Variants in NXN observed in about 807,000 individuals in gnomAD.
NXN encodes nucleoredoxin 1.
In NXN, 16 loss-of-function variants were observed where a neutral mutation model predicts 48.6. That is an observed-to-expected ratio of 0.33 (90% CI 0.22 to 0.50). The LOEUF (loss-of-function observed/expected upper bound fraction) is 0.50, where lower values mean the gene tolerates loss of function less well. Ranked by LOEUF, NXN falls within the 20% of genes least tolerant of loss-of-function variation. The pLI is 0.98. For synonymous variants in NXN, 281 were observed against 269.6 expected, an observed-to-expected ratio of 1.04 and a Z score of -0.41; for missense variants, 492 against 605.5, an observed-to-expected ratio of 0.81 and a Z score of 1.97.
At chr17:871,063 G>T (rs751598734) in intron 1 of NXN, among the ~76,000 whole-genome samples, 2 of 151,816 alleles carry the variant, frequency 1.3e-5, no homozygotes, top group African/African-American at 2.4e-5. Flanking sequence ...GGGTTTCACT[G>T]TGTTGGCCAG....
chr17:877,682 C>G (rs559601930), intron 1 of NXN, among the ~76,000 whole-genome samples: 1 of 152,296 alleles, frequency 6.6e-6, no homozygotes, highest in South Asian at 2.1e-4. Flanking sequence ...AGAACAATGT[C>G]TGGGGCACAC....
intron 1 of NXN, among the ~76,000 whole-genome samples, chr17:963,214 G>GACACACAC (rs58535607): frequency 0.068 from 9,685 of 142,824 alleles, 1,112 homozygotes; most frequent in African/African-American, 0.24. Context: ...TACTGGGACG[G>GACACACAC]ACACACACAC....
Position 805,264 on chromosome 17 carries a change from G to A in NXN, c.821-17C>T. 1 of 1,597,406 alleles carries A rather than the reference G, an allele frequency of 6.3e-7. No individual in the cohort carries two copies. Among genetic ancestry groups the A allele is most frequent in the Non-Finnish European group, 8.5e-7 (1 of 1,170,522 alleles). ...TGGGGATGCCTGCAGGGAAGAGGGG[G>A]TGCTTGGCCGCTGGCCCGGGAGATG... On this transcript the variant is annotated splice_polypyrimidine_tract_variant and intron_variant, in intron 5 of 7. Transcript: ENST00000336868.
In NXN at chr17:917,275, GGGACTAC is replaced by G. The variant is rs1208710576; in HGVS notation, c.360+62037_360+62043del. 6.6e-6 allele frequency among the ~76,000 whole-genome samples: 1 copy of G among 152,132 alleles called. No homozygotes were observed. The highest frequency in any genetic ancestry group is 1.5e-5 in the Non-Finnish European group (1 of 68,034). Reference sequence around the variant, plus strand: ...TCCTGCCTCAGCCTCCCGAGCAGCTGGGACTACAGGCGCCCGCCACCATGCCCAGCTA... The same window carrying G: ...TCCTGCCTCAGCCTCCCGAGCAGCTGAGGCGCCCGCCACCATGCCCAGCTA... On this transcript the variant is annotated intron_variant, in intron 1 of 7. Transcript: ENST00000336868. The surrounding 1 kb of genome is among the most constrained non-coding windows in gnomAD (Gnocchi z 4.5).
intron 1 of NXN, among the ~76,000 whole-genome samples, chr17:856,054 G>C (rs1404443685): frequency 2.0e-5 from 3 of 152,068 alleles, no homozygotes; most frequent in Admixed American, 2.0e-4. Flanking sequence ...TTAGCTGGGC[G>C]TGGTGGCACA....
At chr17:860,617 C>T (rs1041577693) in intron 1 of NXN, among the ~76,000 whole-genome samples, 37 of 151,628 alleles carry the variant, frequency 2.4e-4, no homozygotes, top group South Asian at 1.2e-3. Flanking sequence ...TGGTCTTGAA[C>T]TCCTGACCTC....
At chr17:975,972 T>C (rs574213661) in intron 1 of NXN, among the ~76,000 whole-genome samples, 21 of 152,338 alleles carry the variant, frequency 1.4e-4, no homozygotes, top group Non-Finnish European at 2.5e-4. Context: ...TTCAGGATTA[T>C]AGATTTGCTG....
chr17:836,668 C>T (rs529278687), intron 1 of NXN, among the ~76,000 whole-genome samples: 1 of 152,296 alleles, frequency 6.6e-6, no homozygotes, highest in Admixed American at 6.5e-5. Context: ...GGTATCTCAC[C>T]GTCTCTTGGC....
intron 1 of NXN, among the ~76,000 whole-genome samples, chr17:843,064 A>AAAGCAAGC (rs200717420): frequency 8.0e-5 from 11 of 138,262 alleles, no homozygotes; most frequent in African/African-American, 3.0e-4. Flanking sequence ...AAGAAGGAAG[A>AAAGCAAGC]AAGCAAGCAA....
At chr17:878,518 T>A (rs939595320) in intron 1 of NXN, among the ~76,000 whole-genome samples, 1 of 3,760 alleles carries the variant, frequency 2.7e-4, no homozygotes, top group African/African-American at 1.1e-3. Flanking sequence ...AGGTGGGGTT[T>A]GGGGGCAGGG....
In NXN at chr17:897,813, C is replaced by T. The variant is rs79630379; in HGVS notation, c.361-71735G>A. On this transcript the variant is annotated intron_variant, in intron 1 of 7. Coordinates refer to ENST00000336868, the MANE Select transcript of NXN (RefSeq NM_022463.5). Reference sequence around the variant, plus strand: ...GCCTCAGCCTCCCGAGTAGCTGGGACTACAGGTGCCCGCCACCACGCATGG... The same window carrying T: ...GCCTCAGCCTCCCGAGTAGCTGGGATTACAGGTGCCCGCCACCACGCATGG... Among the ~76,000 whole-genome samples the T allele has an allele frequency of 8.4e-3, 1,283 of 152,214 alleles. 60 individuals are homozygous for T. In the East Asian group the frequency reaches 0.15, roughly 17 times the overall value.
chr17:923,890 G>T (rs1382303402), intron 1 of NXN, among the ~76,000 whole-genome samples: 1 of 152,036 alleles, frequency 6.6e-6, no homozygotes, highest in Admixed American at 6.6e-5. Context: ...ATATTCGTGA[G>T]ATAGTTAAGT....
intron 5 of NXN, among the ~76,000 whole-genome samples, chr17:817,574 C>T (rs1244443899): frequency 2.0e-5 from 3 of 150,710 alleles, no homozygotes; most frequent in African/African-American, 4.9e-5. Flanking sequence ...GAGGCTGAGG[C>T]AGGAGAATGG....
At chr17:908,131 C>T (rs943349154) in intron 1 of NXN, 5 of 152,180 alleles carry the variant, frequency 3.3e-5, no homozygotes, top group Non-Finnish European at 5.9e-5. Context: ...CCTTTCTTAA[C>T]TGAGTGTTCC....
At chr17:865,728 A>C (rs371712581) in intron 1 of NXN, among the ~76,000 whole-genome samples, 1 of 151,842 alleles carries the variant, frequency 6.6e-6, no homozygotes, top group South Asian at 2.1e-4. Flanking sequence ...TCACGCCTGT[A>C]ATCCCAGCAC....
intron 1 of NXN, among the ~76,000 whole-genome samples, chr17:829,286 G>T (rs907323930): frequency 1.3e-5 from 2 of 151,672 alleles, no homozygotes; most frequent in African/African-American, 4.8e-5. Context: ...CTCCCGAGTA[G>T]CTGGGATTAC....
At chr17:969,888 C>T (rs1222361508) in intron 1 of NXN, among the ~76,000 whole-genome samples, 5 of 152,074 alleles carry the variant, frequency 3.3e-5, no homozygotes, top group African/African-American at 4.8e-5. Flanking sequence ...GGTGACTGTT[C>T]GACAACGATA....
intron 1 of NXN, among the ~76,000 whole-genome samples, chr17:954,435 C>T (rs112757237): frequency 6.6e-6 from 1 of 152,210 alleles, no homozygotes; most frequent in African/African-American, 2.4e-5. Context: ...AATTCTCTCT[C>T]GAGTCAAGTG....
At chr17:841,607 CACAGAGCAT>C (rs1914289826) in intron 1 of NXN, among the ~76,000 whole-genome samples, 1 of 137,876 alleles carries the variant, frequency 7.3e-6, no homozygotes, top group Non-Finnish European at 1.6e-5. Flanking sequence ...TCCCCCCGAC[CACAGAGCAT>C]CTCACACGGG....
Sources: gnomAD v4.1 joint callset for allele counts (sites outside exome capture counted in the v4.1 genomes callset) on GRCh38, gnomAD v4.1.1 for gene constraint, Gnocchi (gnomAD v3.1) non-coding constraint, MANE v1.5 for transcripts, NCBI Gene and HGNC (gene_info 2026-07-23, HGNC 2026-07-21) for gene names.